PAQR3: variants seen among roughly 807,000 people sequenced by gnomAD.
PAQR3 encodes the protein progestin and adipoQ receptor family member 3, also known as Raf kinase trapping to Golgi.
A neutral mutation model predicts 41.7 loss-of-function variants in PAQR3; 39 were observed. The observed-to-expected ratio is 0.93, with a 90% CI of 0.72 to 1.22. The LOEUF (loss-of-function observed/expected upper bound fraction) is 1.22, where lower values mean the gene tolerates loss of function less well. Among genes scored for constraint, PAQR3 ranks in the 50% most tolerant of loss-of-function variants. The pLI, the probability that PAQR3 is intolerant of heterozygous loss-of-function variation, is 0.00. For missense variants in PAQR3, 366 were observed against 385.6 expected (o/e 0.95, Z 0.42); for synonymous variants, 140 against 140.6 (o/e 1.00, Z 0.03).
chr4:78,887,278 C>A, exon 13 of PAQR3: 3 of 1,601,744 alleles, frequency 1.9e-6, no homozygotes, highest in Non-Finnish European at 2.6e-6. Context: ...TTTCATTTCT[C>A]ATTCAGGCAA....
chr4:78,920,497 A>G lies in PAQR3; in HGVS notation c.*42T>C. On this transcript the variant is annotated 3_prime_UTR_variant, in exon 6 of 6. Transcript: ENST00000512733. ...AGTGGGGTATACAATTCCCCATTAT[A>G]TATTGCTTAACAACTGAATTCACCA... The G allele has an allele frequency of 3.8e-6, 6 of 1,587,908 alleles. No individual in the cohort carries two copies. The highest frequency in any genetic ancestry group is 5.1e-6 in the Non-Finnish European group (6 of 1,167,516).
At chr4:78,901,196 A>G (rs546738164) in intron 11 of PAQR3, among the ~76,000 whole-genome samples, 6 of 151,706 alleles carry the variant, frequency 4.0e-5, no homozygotes, top group African/African-American at 1.4e-4. Flanking sequence ...GGTGTGCACC[A>G]CCATTCTCAG....
At chr4:78,922,909 G>A (rs772750510) in intron 5 of PAQR3, 24 of 455,932 alleles carry the variant, frequency 5.3e-5, no homozygotes, top group Non-Finnish European at 9.7e-5. Context: ...TCTCAAACAA[G>A]CAAATACAGG....
chr4:78,901,894 T>C (rs7681040), intron 11 of PAQR3, among the ~76,000 whole-genome samples: 21,883 of 152,148 alleles, frequency 0.14, 2,926 homozygotes, highest in African/African-American at 0.35. Context: ...GTGAACTTCC[T>C]CAATGCTCCC....
intron 3 of PAQR3, 76 bp downstream of exon 3, chr4:78,930,094 A>C (rs1736682631): frequency 7.3e-7 from 1 of 1,378,586 alleles, no homozygotes; most frequent in Admixed American, 2.3e-5. Context: ...ACTTATTCAG[A>C]AATTCAAAAG....
In PAQR3 at chr4:78,917,861, C is replaced by A. The variant is rs1735235957; in HGVS notation, c.*2678G>T. 1 of 985,416 alleles carries A rather than the reference C, an allele frequency of 1.0e-6. No homozygotes were observed. The highest frequency in any genetic ancestry group is 1.2e-6 in the Non-Finnish European group (1 of 829,670). The allele number at this position is 985,416 out of a possible 1,614,324, so 61.0% of individuals were successfully genotyped here. Reference sequence around the variant, plus strand: ...TGCCATAAGATGTGACAGACATTCCCTGAATCTTCGTTCCTGATTCTAAAA... The same window carrying A: ...TGCCATAAGATGTGACAGACATTCCATGAATCTTCGTTCCTGATTCTAAAA... On this transcript the variant is annotated 3_prime_UTR_variant, in exon 6 of 6. Transcript: ENST00000512733.
downstream of PAQR3, chr4:78,911,377 A>G (rs1162438777): frequency 2.5e-6 from 4 of 1,613,996 alleles, no homozygotes; most frequent in African/African-American, 2.7e-5. Context: ...CCTCACATCA[A>G]CAAGTAAAAG....
rs1047884971 is a variant in PAQR3 at position 78,919,004 on chromosome 4, T to A, written c.*1535A>T. 9.1e-6 allele frequency: 9 copies of A among 984,920 alleles called. No homozygotes were observed. The highest frequency in any genetic ancestry group is 9.6e-6 in the Non-Finnish European group (8 of 829,708). The allele number at this position is 984,920 out of a possible 1,614,324, so 61.0% of individuals were successfully genotyped here. A position where few individuals can be genotyped will look rare whatever the true frequency, so the allele number is the denominator to read the frequency against. On this transcript the variant is annotated 3_prime_UTR_variant, in exon 6 of 6. Transcript: ENST00000512733. Reference sequence around the variant, plus strand: ...CATAACGATGGGTAAGACACGGTATTCCTTTACTGAGCCTCCTGGGGGGAA... The same window carrying A: ...CATAACGATGGGTAAGACACGGTATACCTTTACTGAGCCTCCTGGGGGGAA...
intron 1 of PAQR3, among the ~76,000 whole-genome samples, chr4:78,937,022 C>T (rs1560587027): frequency 6.6e-6 from 1 of 152,180 alleles, no homozygotes; most frequent in Non-Finnish European, 1.5e-5. Flanking sequence ...TAGGTGTCTC[C>T]TGCACAGTAG....
downstream of PAQR3, among the ~76,000 whole-genome samples, chr4:78,910,269 A>C (rs1734515627): frequency 6.6e-6 from 1 of 152,248 alleles, no homozygotes; most frequent in Non-Finnish European, 1.5e-5. Context: ...GAGCTTTCAG[A>C]ATTAGCAGAA....
chr4:78,925,796 A>G (rs1329164208), intron 4 of PAQR3, among the ~76,000 whole-genome samples: 2 of 152,204 alleles, frequency 1.3e-5, no homozygotes, highest in Non-Finnish European at 1.5e-5. Context: ...GCATATGTAC[A>G]GCATTTTTGT....
chr4:78,896,169 T>C (rs1258584829), intron 11 of PAQR3, among the ~76,000 whole-genome samples: 2 of 152,210 alleles, frequency 1.3e-5, no homozygotes, highest in Non-Finnish European at 2.9e-5. Flanking sequence ...ATGACATTCA[T>C]TTTTCTCACA....
chr4:78,922,128 A>G (rs1438005736), intron 5 of PAQR3: 1 of 1,035,584 alleles, frequency 9.7e-7, no homozygotes, highest in Non-Finnish European at 1.2e-6. Flanking sequence ...AGTGATACAA[A>G]AATATATTTT....
chr4:78,931,434 T>C (rs1039800326), intron 2 of PAQR3, among the ~76,000 whole-genome samples: 1 of 152,140 alleles, frequency 6.6e-6, no homozygotes, highest in Non-Finnish European at 1.5e-5. Context: ...CAGTGATGAC[T>C]TGCTAACTTT....
rs371829816 is a variant in PAQR3 at position 78,935,237 on chromosome 4, G to A, written c.232C>T (p.Leu78=). The part of the protein sequence containing the change: ...NETVNIWSHL[L]GFFLFFTLGI... ...AGGGTGAAGAAGAGAAAGAAACCCA[G>A]CAAATGACTCCAGATGTTTACTGTC... The change falls in exon 2 of 6, where the codon CTG becomes TTG. Residue 78 remains leucine, a synonymous_variant. Transcript: ENST00000512733. 2.1e-5 allele frequency: 34 copies of A among 1,613,514 alleles called. No individual in the cohort carries two copies. In the African/African-American group the frequency reaches 3.9e-4, roughly 18 times the overall value.
downstream of PAQR3, among the ~76,000 whole-genome samples, chr4:78,909,180 G>A (rs976781397): frequency 6.7e-6 from 1 of 149,590 alleles, no homozygotes; most frequent in African/African-American, 2.5e-5. Context: ...TGGCTCAGCT[G>A]GCACCTGCCA....
intron 5 of PAQR3, among the ~76,000 whole-genome samples, chr4:78,921,413 A>T (rs1735644827): frequency 6.6e-6 from 1 of 151,938 alleles, no homozygotes; most frequent in South Asian, 2.1e-4. Flanking sequence ...TATAATGTAA[A>T]TATTCTCTAA....
intron 11 of PAQR3, among the ~76,000 whole-genome samples, chr4:78,888,638 C>T (rs1283764101): frequency 6.6e-6 from 1 of 152,160 alleles, no homozygotes; most frequent in African/African-American, 2.4e-5. Context: ...AGTGATTGGT[C>T]TTTTCTCTGG....
downstream of PAQR3, chr4:78,911,604 C>T (rs1251313654): frequency 1.9e-6 from 3 of 1,613,930 alleles, no homozygotes; most frequent in South Asian, 1.1e-5. Flanking sequence ...AGAGGGCTCG[C>T]AGGCACAAAA....
Sources: allele counts gnomAD v4.1 joint callset (sites outside exome capture counted in the v4.1 genomes callset), GRCh38; gene constraint gnomAD v4.1.1; transcripts MANE v1.5; gene names NCBI Gene and HGNC (gene_info 2026-07-23, HGNC 2026-07-21).